The following SYT14 variants were observed in gnomAD, a reference collection of about 807,000 sequenced individuals.
SYT14 encodes the protein synaptotagmin-14.
Under a neutral mutation model 74.2 loss-of-function variants are expected in SYT14, and 32 were observed. The observed-to-expected ratio is 0.43, with a 90% CI of 0.33 to 0.58. The LOEUF is 0.58. Among genes scored for constraint, SYT14 ranks in the 20% least tolerant of loss-of-function variants. The pLI is 0.05. For missense variants in SYT14, 791 were observed against 981.8 expected, an observed-to-expected ratio of 0.81 and a Z score of 2.60; for synonymous variants, 298 against 337.7, an observed-to-expected ratio of 0.88 and a Z score of 1.29.
intron 5 of SYT14, among the ~76,000 whole-genome samples, chr1:210,024,470 G>T (rs1474696307): frequency 6.6e-6 from 1 of 152,190 alleles, no homozygotes; most frequent in African/African-American, 2.4e-5. Flanking sequence ...ATTTCCTCAT[G>T]TATGATGAGG....
At chr1:210,043,425 T>G (rs533752561) in intron 5 of SYT14, among the ~76,000 whole-genome samples, 1 of 118,312 alleles carries the variant, frequency 8.5e-6, no homozygotes, top group South Asian at 2.6e-4. Flanking sequence ...TTGGAATCTT[T>G]GTTTTACTGA....
intron 7 of SYT14, among the ~76,000 whole-genome samples, chr1:210,108,748 T>A (rs556520076): frequency 6.6e-6 from 1 of 151,894 alleles, no homozygotes; most frequent in South Asian, 2.1e-4. Context: ...GATCATGAAA[T>A]AAGAGAGAAG....
At chr1:209,975,684 G>T (rs2079348690) in intron 2 of SYT14, among the ~76,000 whole-genome samples, 1 of 152,078 alleles carries the variant, frequency 6.6e-6, no homozygotes, top group African/African-American at 2.4e-5. Flanking sequence ...TTGTGTCTCT[G>T]CCAGGCTTTG....
chr1:209,946,812 A>G (rs1238801602), intron 1 of SYT14, among the ~76,000 whole-genome samples: 1 of 152,214 alleles, frequency 6.6e-6, no homozygotes, highest in Non-Finnish European at 1.5e-5. Flanking sequence ...GCTAGAGGGG[A>G]GAAGTCAATG....
exon 4 of SYT14, chr1:210,017,067 A>G: frequency 8.1e-7 from 1 of 1,231,792 alleles, no homozygotes; most frequent in African/African-American, 1.5e-5. Context: ...AAGAGTAAAG[A>G]TGAAAAATAT....
At chr1:209,990,548 T>TATATAC (rs59238920) in intron 2 of SYT14, among the ~76,000 whole-genome samples, 8 of 68,058 alleles carry the variant, frequency 1.2e-4, no homozygotes, top group Admixed American at 4.4e-4. Context: ...CGTATATATA[T>TATATAC]GTATATATAT....
intron 1 of SYT14, among the ~76,000 whole-genome samples, chr1:209,951,276 C>T (rs2078908294): frequency 6.6e-6 from 1 of 152,134 alleles, no homozygotes; most frequent in South Asian, 2.1e-4. Context: ...TTTTCCTATC[C>T]TGCCCCTCTC....
At chr1:210,145,473 T>C (rs1170756468) in intron 7 of SYT14, among the ~76,000 whole-genome samples, 1 of 152,216 alleles carries the variant, frequency 6.6e-6, no homozygotes, top group East Asian at 1.9e-4. Flanking sequence ...GCAATATTTA[T>C]TAAGTGCCTG....
chr1:210,161,365 A>T (rs1266476224), exon 10 of SYT14: 1 of 474,852 alleles, frequency 2.1e-6, no homozygotes, highest in Non-Finnish European at 4.1e-6. Flanking sequence ...ATGAAAAATC[A>T]AAATTATAAG....
chr1:210,052,531 C>T (rs959058873), intron 5 of SYT14, among the ~76,000 whole-genome samples: 32 of 151,466 alleles, frequency 2.1e-4, no homozygotes, highest in African/African-American at 6.5e-4. Flanking sequence ...GGTATGGTGG[C>T]GGGCGCCAAT....
chr1:210,081,482 TAA>T (rs1020676494), intron 5 of SYT14, among the ~76,000 whole-genome samples: 2 of 149,900 alleles, frequency 1.3e-5, no homozygotes, highest in Admixed American at 6.6e-5. Context: ...TGTAGTATAT[TAA>T]GTGTGTACTA....
At chr1:210,032,282 G>A (rs2080555431) in intron 5 of SYT14, among the ~76,000 whole-genome samples, 1 of 151,956 alleles carries the variant, frequency 6.6e-6, no homozygotes, top group Admixed American at 6.6e-5. Flanking sequence ...ATAGCCTTAG[G>A]AAAAATAATT....
intron 3 of SYT14, among the ~76,000 whole-genome samples, chr1:210,014,314 C>T (rs2080142380): frequency 6.6e-6 from 1 of 151,560 alleles, no homozygotes; most frequent in African/African-American, 2.4e-5. Flanking sequence ...AATAGTGTTC[C>T]ACTCCCTCCC....
Position 210,100,349 on chromosome 1 carries a change from A to G in SYT14, c.1922A>G (p.His641Arg), listed in dbSNP as rs147813274. The G allele has an allele frequency of 5.0e-6, 8 of 1,613,940 alleles. No individual in the cohort carries two copies. In the African/African-American group the frequency reaches 5.3e-5, roughly 11 times the overall value. ...GTTCGGTTTAGACTGTATGGTGTAC[A>G]TCGCATGAAAAAAGAAAAGATTGTG... The change falls in exon 7 of 10, where the codon CAT becomes CGT. Residue 641 changes from histidine to arginine, a missense_variant. His to Arg is a conservative substitution (Grantham distance 29). Coordinates refer to ENST00000637265, the Ensembl canonical transcript of SYT14.
chr1:210,084,294 C>CA (rs1341912829), intron 5 of SYT14, among the ~76,000 whole-genome samples: 1 of 152,098 alleles, frequency 6.6e-6, no homozygotes, highest in African/African-American at 2.4e-5. Context: ...GTAAAGAGGC[C>CA]AACAAAGCTT....
intron 2 of SYT14, among the ~76,000 whole-genome samples, chr1:209,971,706 G>A (rs2079259856): frequency 6.6e-6 from 1 of 152,058 alleles, no homozygotes; most frequent in Admixed American, 6.6e-5. Context: ...TATGTATGTT[G>A]GGCCAACCTT....
At chr1:209,956,975 G>T (rs2079003388) in intron 2 of SYT14, among the ~76,000 whole-genome samples, 1 of 151,306 alleles carries the variant, frequency 6.6e-6, no homozygotes. Flanking sequence ...CCACCCGATT[G>T]CTGAAGGGCC....
At chr1:210,157,653 A>G (rs1183805793) in intron 8 of SYT14, among the ~76,000 whole-genome samples, 4 of 151,626 alleles carry the variant, frequency 2.6e-5, no homozygotes. Context: ...GAGGCAAGAG[A>G]ATCACTTGAA....
intron 2 of SYT14, among the ~76,000 whole-genome samples, chr1:209,955,441 TAGTA>T (rs758116138): frequency 5.9e-5 from 9 of 152,096 alleles, no homozygotes; most frequent in African/African-American, 1.7e-4. Flanking sequence ...TTTAATTTAT[TAGTA>T]AGTTCAATCA....
Sources: gnomAD v4.1 joint callset for allele counts (sites outside exome capture counted in the v4.1 genomes callset) on GRCh38, gnomAD v4.1.1 for gene constraint, MANE v1.5 for transcripts, NCBI Gene and HGNC (gene_info 2026-07-23, HGNC 2026-07-21) for gene names.